Variants in TRA2A observed in about 807,000 individuals in gnomAD.
The protein encoded by TRA2A is transformer-2 protein homolog alpha.
Under a neutral mutation model 45.7 loss-of-function variants are expected in TRA2A, and 31 were observed. The ratio of observed to expected loss-of-function variants is 0.68; its 90% confidence interval spans 0.51 to 0.92. The LOEUF is 0.92. TRA2A is among the 40% of genes least tolerant of loss of function. TRA2A has a pLI of 0.00. For synonymous variants in TRA2A, 132 were observed against 126.2 expected (o/e 1.05, Z -0.31); for missense variants, 304 against 367.5 (o/e 0.83, Z 1.41).
intron 2 of TRA2A, among the ~76,000 whole-genome samples, chr7:23,517,773 G>C (rs1242308023): frequency 6.6e-6 from 1 of 150,776 alleles, no homozygotes; most frequent in Non-Finnish European, 1.5e-5. Context: ...TTAGCTGGGC[G>C]TGGTGGCGCA....
intron 3 of TRA2A, among the ~76,000 whole-genome samples, chr7:23,513,551 G>C (rs1236340959): frequency 6.6e-6 from 1 of 152,062 alleles, no homozygotes. Flanking sequence ...CCAGAAGGTG[G>C]AGGTTGCAGT....
chr7:23,506,468 C>CA (rs1321398218), intron 5 of TRA2A: 1 of 487,736 alleles, frequency 2.1e-6, no homozygotes, highest in East Asian at 3.1e-5. Context: ...AAGGGCTTCA[C>CA]AAAACTCTCA....
Position 23,517,503 on chromosome 7 carries a change from A to AAAG in TRA2A, c.171-976_171-975insCTT, listed in dbSNP as rs764849438. ...AAAAAAAAAAAAAAAAAAAAAAAAA[A>AAAG]AGAGAGAAAGAAAGAAAAATCACTT... On this transcript the variant is annotated intron_variant, in intron 2 of 7. Transcript: ENST00000297071. 2.7e-4 allele frequency among the ~76,000 whole-genome samples: 31 copies of AAAG among 116,252 alleles called. 1 individual carries two copies. Among genetic ancestry groups the AAAG allele is most frequent in the Admixed American group, 4.1e-4 (4 of 9,736 alleles). The allele number at this position is 116,252 out of a possible 152,430, so 76.3% of individuals were successfully genotyped here. A position where few individuals can be genotyped will look rare whatever the true frequency, so the allele number is the denominator to read the frequency against.
At chr7:23,530,824 T>C (rs762513928) in intron 1 of TRA2A, among the ~76,000 whole-genome samples, 4 of 152,138 alleles carry the variant, frequency 2.6e-5, no homozygotes, top group Non-Finnish European at 5.9e-5. Context: ...ATCTTTTAAG[T>C]TACAGAACAG....
intron 4 of TRA2A, among the ~76,000 whole-genome samples, chr7:23,512,126 G>C (rs986973580): frequency 1.3e-5 from 2 of 152,148 alleles, no homozygotes; most frequent in Admixed American, 1.3e-4. Flanking sequence ...CTATAGCAGA[G>C]AGCATAACCA....
At chr7:23,529,977 T>C (rs531133318) in intron 1 of TRA2A, among the ~76,000 whole-genome samples, 1 of 151,560 alleles carries the variant, frequency 6.6e-6, no homozygotes, top group South Asian at 2.1e-4. Context: ...TTCCTAGACT[T>C]GATGATAAAT....
rs571831706 is a variant in TRA2A, at chr7:23,506,442, T to C, written c.642-176A>G. 2.1e-5 allele frequency: 14 copies of C among 651,220 alleles called. No homozygotes were observed. In the East Asian group the frequency reaches 3.5e-4, roughly 16 times the overall value. 40.3% of individuals were successfully genotyped at this position (651,220 alleles called of 1,614,324 possible). A position where few individuals can be genotyped will look rare whatever the true frequency, so the allele number is the denominator to read the frequency against. Reference sequence around the variant, plus strand: ...TGGTATTCTGGTTTGCCTTATTCCCTACATACATAATCAAGAAGGGCTTCA... The same window carrying C: ...TGGTATTCTGGTTTGCCTTATTCCCCACATACATAATCAAGAAGGGCTTCA... On this transcript the variant is annotated intron_variant, in intron 5 of 7. Coordinates refer to ENST00000297071, the MANE Select transcript of TRA2A (RefSeq NM_013293.5).
Position 23,531,777 on chromosome 7 carries a change from C to G in TRA2A, c.36+12G>C. 6.2e-7 allele frequency: 1 copy of G among 1,613,362 alleles called. No homozygotes were observed. The highest frequency in any genetic ancestry group is 1.1e-5 in the South Asian group (1 of 91,080). ...GCCGCCGCCTAGACGGCTCCCGCGG[C>G]TTTGTACTCACTCTGCCCTCGAAGT... On this transcript the variant is annotated intron_variant, in intron 1 of 7. Coordinates refer to ENST00000297071, the MANE Select transcript of TRA2A (RefSeq NM_013293.5).
At chr7:23,513,671 G>C (rs1252861445) in intron 3 of TRA2A, among the ~76,000 whole-genome samples, 1 of 152,058 alleles carries the variant, frequency 6.6e-6, no homozygotes, top group Admixed American at 6.6e-5. Context: ...TTTTAGTAAG[G>C]CCATTTTTAT....
chr7:23,523,558 G>A (rs549379760), intron 1 of TRA2A, among the ~76,000 whole-genome samples: 7 of 152,294 alleles, frequency 4.6e-5, no homozygotes, highest in African/African-American at 1.7e-4. Context: ...CAAGTTTAAT[G>A]TCAAGACTTA....
At chr7:23,507,039 A>AG (rs1303917873) in intron 5 of TRA2A, 2 of 169,298 alleles carry the variant, frequency 1.2e-5, no homozygotes, top group African/African-American at 2.4e-5. Flanking sequence ...CTGGGATTAC[A>AG]GGTGTAAGCC....
chr7:23,513,902 T>C (rs1412321702), intron 3 of TRA2A, among the ~76,000 whole-genome samples: 3 of 152,022 alleles, frequency 2.0e-5, no homozygotes, highest in Admixed American at 6.6e-5. Flanking sequence ...AGGAAGTAAT[T>C]TGTGGAATGT....
chr7:23,526,262 A>G (rs1584144423), intron 1 of TRA2A, among the ~76,000 whole-genome samples: 1 of 152,346 alleles, frequency 6.6e-6, no homozygotes, highest in East Asian at 1.9e-4. Flanking sequence ...TAAAATAAAT[A>G]AACTATTAAA....
intron 3 of TRA2A, among the ~76,000 whole-genome samples, chr7:23,514,060 CTAG>C (rs964806067): frequency 1.3e-5 from 2 of 151,074 alleles, no homozygotes; most frequent in African/African-American, 2.4e-5. Context: ...TTTACTACGG[CTAG>C]TAGATTTTTT....
chr7:23,518,982 T>C (rs1268902448), intron 2 of TRA2A, among the ~76,000 whole-genome samples: 4 of 152,144 alleles, frequency 2.6e-5, no homozygotes, highest in Non-Finnish European at 1.5e-5. Flanking sequence ...GCCACCACAC[T>C]CAGCCTAAGC....
intron 1 of TRA2A, among the ~76,000 whole-genome samples, chr7:23,527,052 TA>T (rs535710251): frequency 6.6e-6 from 1 of 152,164 alleles, no homozygotes; most frequent in Non-Finnish European, 1.5e-5. Context: ...TTCAAAAAAC[TA>T]ATGTATAAGT....
intron 1 of TRA2A, among the ~76,000 whole-genome samples, chr7:23,524,814 C>A (rs565171040): frequency 6.6e-6 from 1 of 151,984 alleles, no homozygotes; most frequent in Non-Finnish European, 1.5e-5. Flanking sequence ...GCCTTAGCCT[C>A]CTGAGTAGCT....
chr7:23,515,494 A>G (rs1584123018), intron 3 of TRA2A, among the ~76,000 whole-genome samples: 4 of 149,518 alleles, frequency 2.7e-5, no homozygotes, highest in East Asian at 2.0e-4. Flanking sequence ...TGGGATTACA[A>G]GTGTGAGCCA....
intron 2 of TRA2A, among the ~76,000 whole-genome samples, chr7:23,519,304 G>T (rs903163462): frequency 6.6e-6 from 1 of 152,158 alleles, no homozygotes; most frequent in Non-Finnish European, 1.5e-5. Context: ...TGAGGCAAGA[G>T]AATCACTTGA....
Sources: allele counts gnomAD v4.1 joint callset (sites outside exome capture counted in the v4.1 genomes callset), GRCh38; gene constraint gnomAD v4.1.1; transcripts MANE v1.5; gene names NCBI Gene and HGNC (gene_info 2026-07-23, HGNC 2026-07-21).